The following FHOD3 variants were observed in gnomAD, a reference collection of about 807,000 sequenced individuals.
The protein encoded by FHOD3 is formin homology 2 domain containing 3.
In FHOD3, 90 loss-of-function variants were observed where a neutral mutation model predicts 173.0. The ratio of observed to expected loss-of-function variants is 0.52; its 90% CI spans 0.44 to 0.62. FHOD3 has a LOEUF of 0.62. Ranked by LOEUF, FHOD3 falls within the 20% of genes least tolerant of loss-of-function variation. The pLI is 0.00. For missense variants in FHOD3, 1,945 were observed against 2,034.7 expected (o/e 0.96, Z 0.85); for synonymous variants, 828 against 823.0 (o/e 1.01, Z -0.10).
Position 36,612,086 on chromosome 18 carries a change from C to T in FHOD3, c.948C>T (p.Asn316=), listed in dbSNP as rs2148623624. The T allele has an allele frequency of 6.2e-7, 1 of 1,613,774 alleles. No homozygotes were observed. The highest frequency in any genetic ancestry group is 2.2e-5 in the East Asian group (1 of 44,870). The stretch of plus-strand genomic sequence containing the variant: ...ACCTGGACTTAGTGGAGCAACTCAA[C>T]ATTTATGAGGTACCAGACCATGCCT... ...GTDLDLVEQL[N]IYEVALRHED... is the part of the protein sequence containing the mutation. The change falls in exon 9 of 29, where the codon AAC becomes AAT. Residue 316 remains asparagine, a synonymous_variant. Transcript: ENST00000590592.
chr18:36,779,215 A>G (rs1351041779), intron 28 of FHOD3: 10 of 561,976 alleles, frequency 1.8e-5, no homozygotes, highest in Non-Finnish European at 3.2e-5. Context: ...CGGCCCTCCA[A>G]ATCAGCACCT....
chr18:36,482,147 C>T (rs2053936343), intron 3 of FHOD3, among the ~76,000 whole-genome samples: 1 of 152,164 alleles, frequency 6.6e-6, no homozygotes, highest in Admixed American at 6.6e-5. Context: ...ATTCACCCTA[C>T]CTATTATGTG....
chr18:36,376,761 A>G (rs776906833), intron 3 of FHOD3, among the ~76,000 whole-genome samples: 9 of 152,218 alleles, frequency 5.9e-5, no homozygotes, highest in Non-Finnish European at 1.2e-4. Context: ...TTTGCAAGGC[A>G]TTTTTCTCTT....
chr18:36,560,314 G>A lies in FHOD3; in HGVS notation c.512-16137G>A, dbSNP rs547913231. Among the ~76,000 whole-genome samples, 5 of 152,326 alleles carry A rather than the reference G, an allele frequency of 3.3e-5. No homozygotes were observed. The South Asian group carries it at 1.0e-3, about 32-fold the overall frequency. On this transcript the variant is annotated intron_variant, in intron 5 of 28. Transcript: ENST00000590592. ...CCCAAAACATAGTTGCGAGACCTTG[G>A]AATGAGGACTGTTGAGGATGTTGAT...
chr18:36,482,852 CACACACAGAGAGAG>C (rs1271850148), intron 3 of FHOD3, among the ~76,000 whole-genome samples: 2 of 101,152 alleles, frequency 2.0e-5, no homozygotes, highest in Non-Finnish European at 2.0e-5. Flanking sequence ...CACACTCACA[CACACACAGAGAGAG>C]AGAGAGAGAG....
chr18:36,448,478 G>A (rs1293730223), intron 3 of FHOD3, among the ~76,000 whole-genome samples: 2 of 152,144 alleles, frequency 1.3e-5, no homozygotes, highest in Non-Finnish European at 2.9e-5. Flanking sequence ...CTGTGGACCT[G>A]CCTCCATGCA....
At chr18:36,510,676 C>G (rs2055582615) in intron 4 of FHOD3, among the ~76,000 whole-genome samples, 2 of 152,192 alleles carry the variant, frequency 1.3e-5, no homozygotes, top group African/African-American at 4.8e-5. Flanking sequence ...TAAATGTTCA[C>G]TTTTCACATA....
intron 3 of FHOD3, among the ~76,000 whole-genome samples, chr18:36,405,162 G>T (rs944503676): frequency 2.0e-5 from 3 of 152,168 alleles, no homozygotes; most frequent in African/African-American, 7.2e-5. Context: ...AAGAGAAATG[G>T]ACATGTGGCT....
intron 1 of FHOD3, among the ~76,000 whole-genome samples, chr18:36,328,916 G>C (rs1263157606): frequency 6.6e-6 from 1 of 152,190 alleles, no homozygotes; most frequent in African/African-American, 2.4e-5. Flanking sequence ...TCCAAGTACA[G>C]ATGTCAAATA....
chr18:36,454,497 A>G (rs907255032), intron 3 of FHOD3, among the ~76,000 whole-genome samples: 1 of 152,170 alleles, frequency 6.6e-6, no homozygotes, highest in South Asian at 2.1e-4. Flanking sequence ...CAAGCCTCAT[A>G]TGATTACATT....
At chr18:36,713,922 G>T (rs943856031) in intron 18 of FHOD3, among the ~76,000 whole-genome samples, 2 of 152,090 alleles carry the variant, frequency 1.3e-5, no homozygotes, top group African/African-American at 4.8e-5. Context: ...TAAATTAAAA[G>T]ATAGATGGCA....
At chr18:36,339,799 T>A (rs1012986169) in intron 1 of FHOD3, among the ~76,000 whole-genome samples, 1 of 152,206 alleles carries the variant, frequency 6.6e-6, no homozygotes, top group Admixed American at 6.5e-5. Context: ...AAATAGCTGA[T>A]TTTAAAAAAC....
At chr18:36,776,015 G>C (rs568501356) in intron 28 of FHOD3, among the ~76,000 whole-genome samples, 1 of 152,170 alleles carries the variant, frequency 6.6e-6, no homozygotes, top group Non-Finnish European at 1.5e-5. Flanking sequence ...ATGAGGAGTC[G>C]GGAGAGGCCC....
At chr18:36,344,749 A>T (rs1453040231) in intron 1 of FHOD3, among the ~76,000 whole-genome samples, 1 of 152,202 alleles carries the variant, frequency 6.6e-6, no homozygotes, top group African/African-American at 2.4e-5. Flanking sequence ...TTTATTAAAA[A>T]TTATCAGATT....
intron 5 of FHOD3, among the ~76,000 whole-genome samples, chr18:36,561,705 C>A (rs2058087446): frequency 6.6e-6 from 1 of 152,138 alleles, no homozygotes; most frequent in South Asian, 2.1e-4. Flanking sequence ...CCATTAGGAA[C>A]TAGCTCCTCA....
intron 23 of FHOD3, among the ~76,000 whole-genome samples, chr18:36,745,649 C>A (rs1477126863): frequency 6.6e-6 from 1 of 152,058 alleles, no homozygotes; most frequent in Non-Finnish European, 1.5e-5. Context: ...TGTCAGTGGC[C>A]CCTAAGTAGC....
intron 3 of FHOD3, among the ~76,000 whole-genome samples, chr18:36,437,288 T>C (rs2050858473): frequency 1.3e-5 from 2 of 152,300 alleles, no homozygotes; most frequent in South Asian, 2.1e-4. Context: ...TGGCTAACTT[T>C]TGTATTTTTG....
intron 3 of FHOD3, among the ~76,000 whole-genome samples, chr18:36,478,430 C>A (rs912581844): frequency 6.6e-6 from 1 of 152,192 alleles, no homozygotes; most frequent in Non-Finnish European, 1.5e-5. Flanking sequence ...CAATCATACT[C>A]TTCTAGTTAT....
chr18:36,474,986 TACACACACACACACACAC>T lies in FHOD3; in HGVS notation c.338-26915_338-26898del, dbSNP rs3056805. Among the ~76,000 whole-genome samples, 159 of 108,100 alleles carry T rather than the reference TACACACACACACACACAC, an allele frequency of 1.5e-3. 1 individual carries two copies. In the East Asian group the frequency reaches 0.019, roughly 13 times the overall value. The allele number at this position is 108,100 out of a possible 152,430, so 70.9% of individuals were successfully genotyped here. A position where few individuals can be genotyped will look rare whatever the true frequency, so the allele number is the denominator to read the frequency against. On this transcript the variant is annotated intron_variant, in intron 3 of 28. Coordinates refer to ENST00000590592, the MANE Select transcript of FHOD3 (RefSeq NM_001281740.3). ...TTTGAAGAGGTTGAAAATACACACA[TACACACACACACACACAC>T]ACACACACACACACACACACACACA...
Sources: allele counts gnomAD v4.1 joint callset (sites outside exome capture counted in the v4.1 genomes callset), GRCh38; gene constraint gnomAD v4.1.1; transcripts MANE v1.5; gene names NCBI Gene and HGNC (gene_info 2026-07-23, HGNC 2026-07-21).